Variants in RPS6KA5 observed in about 807,000 individuals in gnomAD.
The protein encoded by RPS6KA5 is ribosomal protein S6 kinase A5.
In RPS6KA5, 27 loss-of-function variants were observed where a neutral mutation model predicts 85.5. The observed-to-expected ratio is 0.32, with a 90% CI of 0.23 to 0.44. RPS6KA5 has a LOEUF of 0.44. Ranked by LOEUF, RPS6KA5 falls within the 20% of genes least tolerant of loss-of-function variation. The pLI is 1.00. For synonymous variants in RPS6KA5, 334 were observed against 348.2 expected (o/e 0.96, Z 0.46); for missense variants, 811 against 980.9 (o/e 0.83, Z 2.31).
chr14:90,984,636 T>C (rs976541081), intron 2 of RPS6KA5, among the ~76,000 whole-genome samples: 1 of 152,248 alleles, frequency 6.6e-6, no homozygotes, highest in Non-Finnish European at 1.5e-5. Context: ...GGAAGTGTCA[T>C]AGAAAAATTT....
intron 7 of RPS6KA5, among the ~76,000 whole-genome samples, chr14:90,911,865 C>T (rs891988931): frequency 6.6e-6 from 1 of 152,126 alleles, no homozygotes; most frequent in Non-Finnish European, 1.5e-5. Flanking sequence ...CTATAATGAA[C>T]ATGACATTTA....
chr14:91,012,301 T>G (rs992482716), intron 1 of RPS6KA5, among the ~76,000 whole-genome samples: 4 of 152,246 alleles, frequency 2.6e-5, no homozygotes, highest in Admixed American at 2.0e-4. Flanking sequence ...ATTTTCAAGT[T>G]CTGGTATGAA....
intron 14 of RPS6KA5, among the ~76,000 whole-genome samples, chr14:90,879,996 C>T (rs1358486225): frequency 1.3e-5 from 2 of 151,994 alleles, no homozygotes; most frequent in Non-Finnish European, 2.9e-5. Context: ...ATTGGTCAGG[C>T]TTGTCTCTTG....
rs77830245 is a variant in RPS6KA5, at chr14:90,908,047, T to C, written c.807-1748A>G. ...AGCATACTGACTCTGCACCATCTTA[T>C]TACTTCTTAAACCTTAAGAACATTT... On this transcript the variant is annotated intron_variant, in intron 7 of 16. Coordinates refer to ENST00000614987, the MANE Select transcript of RPS6KA5 (RefSeq NM_004755.4). Among the ~76,000 whole-genome samples, 705 of 152,332 alleles carry C rather than the reference T, an allele frequency of 4.6e-3. 7 individuals are homozygous for C. Among genetic ancestry groups the C allele is most frequent in the African/African-American group, 0.016 (669 of 41,574 alleles).
intron 1 of RPS6KA5, among the ~76,000 whole-genome samples, chr14:91,025,117 T>G (rs1232023928): frequency 2.0e-5 from 3 of 152,140 alleles, no homozygotes; most frequent in Admixed American, 1.3e-4. Flanking sequence ...CGATCTCGGC[T>G]CACTGCAACC....
Position 90,864,478 on chromosome 14 carries a change from C to T in RPS6KA5, c.*7596G>A, listed in dbSNP as rs1291412613. On this transcript the variant is annotated 3_prime_UTR_variant, in exon 17 of 17. Coordinates refer to ENST00000614987, the MANE Select transcript of RPS6KA5 (RefSeq NM_004755.4). Reference sequence around the variant, plus strand: ...GAAGAATATAAGAATATCTTCATAACCTTGGTGTGAACATTTATTAAATAC... The same window carrying T: ...GAAGAATATAAGAATATCTTCATAATCTTGGTGTGAACATTTATTAAATAC... 6.6e-6 allele frequency: 1 copy of T among 152,098 alleles called. No individual in the cohort carries two copies. Among genetic ancestry groups the T allele is most frequent in the African/African-American group, 2.4e-5 (1 of 41,430 alleles). 9.4% of individuals were successfully genotyped at this position (152,098 alleles called of 1,614,324 possible). A position where few individuals can be genotyped will look rare whatever the true frequency, so the allele number is the denominator to read the frequency against.
intron 1 of RPS6KA5, among the ~76,000 whole-genome samples, chr14:91,035,847 C>CAAAAAAAAAAAAAAAAAAAAAA (rs199625173): frequency 5.7e-5 from 4 of 69,904 alleles, no homozygotes; most frequent in Non-Finnish European, 7.5e-5. Flanking sequence ...CCCTCACCTT[C>CAAAAAAAAAAAAAAAAAAAAAA]AAAAAAAAAA....
chr14:90,902,800 G>C lies in RPS6KA5; in HGVS notation c.1119+8C>G. The C allele has an allele frequency of 6.2e-7, 1 of 1,613,298 alleles. No homozygotes were observed. The highest frequency in any genetic ancestry group is 1.1e-5 in the South Asian group (1 of 90,942). ...GCCAATGTGCATGTGCACAGGATGGGAAATTACCTGAAACAGCTTCTCAGA... is the reference window on the plus strand; with the variant it reads ...GCCAATGTGCATGTGCACAGGATGGCAAATTACCTGAAACAGCTTCTCAGA... On this transcript the variant is annotated splice_region_variant and intron_variant, in intron 9 of 16. Coordinates refer to ENST00000614987, the MANE Select transcript of RPS6KA5 (RefSeq NM_004755.4).
chr14:90,872,756 A>G (rs1455448693), intron 16 of RPS6KA5, among the ~76,000 whole-genome samples: 1 of 152,180 alleles, frequency 6.6e-6, no homozygotes, highest in Non-Finnish European at 1.5e-5. Flanking sequence ...CTTCAGTCCC[A>G]TTCAATGTCA....
intron 2 of RPS6KA5, among the ~76,000 whole-genome samples, chr14:90,997,247 G>A (rs28489082): frequency 0.012 from 1,792 of 152,286 alleles, 20 homozygotes; most frequent in South Asian, 0.033. Context: ...AACAGAACTT[G>A]AGAGAATTTA....
intron 2 of RPS6KA5, among the ~76,000 whole-genome samples, chr14:90,996,279 C>T (rs1008180576): frequency 6.6e-6 from 1 of 151,766 alleles, no homozygotes. Context: ...TCAACTGATC[C>T]TCCCACCTCA....
chr14:90,849,893 G>C lies in RPS6KA5; in HGVS notation c.*22181C>G, dbSNP rs1434853531. ...TCACAGCTTTCTTACCTGGCAGCTG[G>C]CACCACATTAGAATCTCCATGGCCG... On this transcript the variant is annotated 3_prime_UTR_variant, in exon 17 of 17. Transcript: ENST00000614987. 1.3e-5 allele frequency: 2 copies of C among 152,154 alleles called. No individual in the cohort carries two copies. Among genetic ancestry groups the C allele is most frequent in the African/African-American group, 2.4e-5 (1 of 41,396 alleles). The allele number at this position is 152,154 out of a possible 1,614,324, so 9.4% of individuals were successfully genotyped here. A position where few individuals can be genotyped will look rare whatever the true frequency, so the allele number is the denominator to read the frequency against.
At chr14:90,896,164 A>G (rs2034824252) in intron 12 of RPS6KA5, among the ~76,000 whole-genome samples, 1 of 152,216 alleles carries the variant, frequency 6.6e-6, no homozygotes, top group South Asian at 2.1e-4. Flanking sequence ...ACATCAAGCT[A>G]ACTTGAGTTT....
intron 12 of RPS6KA5, among the ~76,000 whole-genome samples, chr14:90,896,105 T>C (rs1473951447): frequency 2.0e-5 from 3 of 152,202 alleles, no homozygotes; most frequent in Non-Finnish European, 2.9e-5. Context: ...TTAGACAAAT[T>C]GCAGAGTGAA....
intron 2 of RPS6KA5, among the ~76,000 whole-genome samples, chr14:90,999,394 C>G (rs2040679779): frequency 6.6e-6 from 1 of 152,158 alleles, no homozygotes; most frequent in East Asian, 1.9e-4. Context: ...CTAGAACACT[C>G]AGGTCCCTGA....
intron 1 of RPS6KA5, among the ~76,000 whole-genome samples, chr14:91,034,027 C>T (rs1415822860): frequency 6.6e-6 from 1 of 152,064 alleles, no homozygotes; most frequent in Non-Finnish European, 1.5e-5. Flanking sequence ...CTTTTTAGGC[C>T]AGGCGCAGTG....
chr14:90,890,930 T>A (rs574121415), intron 13 of RPS6KA5, among the ~76,000 whole-genome samples: 1 of 152,252 alleles, frequency 6.6e-6, no homozygotes, highest in African/African-American at 2.4e-5. Context: ...ACCCTTTTTC[T>A]AAGCTTTTCC....
chr14:90,961,809 C>CA (rs1412693887), intron 3 of RPS6KA5, among the ~76,000 whole-genome samples: 1 of 151,856 alleles, frequency 6.6e-6, no homozygotes, highest in Non-Finnish European at 1.5e-5. Flanking sequence ...GCTGTTTTCT[C>CA]AAAAAAAGTA....
At chr14:90,989,492 A>G (rs1440176831) in intron 2 of RPS6KA5, among the ~76,000 whole-genome samples, 1 of 152,146 alleles carries the variant, frequency 6.6e-6, no homozygotes, top group Non-Finnish European at 1.5e-5. Context: ...CATTTATGAT[A>G]AAAAAAGAAA....
Sources: gnomAD v4.1 joint callset for allele counts (sites outside exome capture counted in the v4.1 genomes callset) on GRCh38, gnomAD v4.1.1 for gene constraint, MANE v1.5 for transcripts, NCBI Gene and HGNC (gene_info 2026-07-23, HGNC 2026-07-21) for gene names.